Variants in SMOC2 observed in about 807,000 individuals in gnomAD.
The protein encoded by SMOC2 is SPARC related modular calcium binding 2.
In SMOC2, 39 loss-of-function variants were observed where a neutral mutation model predicts 61.4. That is an observed-to-expected ratio of 0.64 (90% CI 0.49 to 0.83). The LOEUF (loss-of-function observed/expected upper bound fraction) is 0.83, where lower values mean the gene tolerates loss of function less well. Ranked by LOEUF, SMOC2 falls within the 40% of genes least tolerant of loss-of-function variation. The pLI, the probability that SMOC2 is intolerant of heterozygous loss-of-function variation, is 0.00. For missense variants in SMOC2, 556 were observed against 592.9 expected, an observed-to-expected ratio of 0.94 and a Z score of 0.65; for synonymous variants, 247 against 239.9, an observed-to-expected ratio of 1.03 and a Z score of -0.27.
intron 1 of SMOC2, among the ~76,000 whole-genome samples, chr6:168,496,414 C>T (rs940846116): frequency 2.6e-5 from 4 of 152,126 alleles, no homozygotes; most frequent in African/African-American, 9.7e-5. Flanking sequence ...AGCAAATGAG[C>T]GACTGTCTTC....
At chr6:168,635,442 T>G (rs1022423607) in intron 9 of SMOC2, among the ~76,000 whole-genome samples, 5 of 152,058 alleles carry the variant, frequency 3.3e-5, no homozygotes, top group Middle Eastern at 3.4e-3. Context: ...CACTGAAGCC[T>G]CCCTGCCAGC....
At position 168,611,419 on chromosome 6, in the gene SMOC2, G is replaced by A. The variant is rs551390570; in HGVS notation, c.907+3180G>A. Among the ~76,000 whole-genome samples the A allele has an allele frequency of 6.2e-5, 8 of 128,588 alleles. No individual in the cohort carries two copies. In the South Asian group the frequency reaches 1.5e-3, roughly 24 times the overall value. 84.4% of individuals were successfully genotyped at this position (128,588 alleles called of 152,430 possible). A position where few individuals can be genotyped will look rare whatever the true frequency, so the allele number is the denominator to read the frequency against. On this transcript the variant is annotated intron_variant, in intron 9 of 12. Transcript: ENST00000356284. ...CTGGTTCTCATGTCCGGGACCCACC[G>A]TGGCTCCCGTGTCGGGCCTGGCCGT...
chr6:168,514,417 A>G (rs1433274730), intron 2 of SMOC2, among the ~76,000 whole-genome samples: 2 of 152,212 alleles, frequency 1.3e-5, no homozygotes, highest in Non-Finnish European at 2.9e-5. Flanking sequence ...CACCCAGGAA[A>G]CCGCAGGGCC....
At chr6:168,622,670 T>C (rs1412210966) in intron 9 of SMOC2, among the ~76,000 whole-genome samples, 1 of 152,104 alleles carries the variant, frequency 6.6e-6, no homozygotes, top group Admixed American at 6.5e-5. Flanking sequence ...CTGCCTGTCT[T>C]GTCTTCCCAC....
chr6:168,448,527 G>A (rs1031965614), intron 1 of SMOC2, among the ~76,000 whole-genome samples: 7 of 150,412 alleles, frequency 4.7e-5, no homozygotes, highest in African/African-American at 1.7e-4. Context: ...ATGGGGAGGA[G>A]GATGAGGATG....
At position 168,603,963 on chromosome 6, in the gene SMOC2, A is replaced by T. The variant is rs114888984; in HGVS notation, c.825-4194A>T. On this transcript the variant is annotated intron_variant, in intron 8 of 12. Transcript: ENST00000356284. The stretch of plus-strand genomic sequence containing the variant: ...TTTTGGTTTCATGTAGTGAGATGAG[A>T]AACTGATGAATGAATATAAATGACC... Among the ~76,000 whole-genome samples the T allele has an allele frequency of 3.8e-3, 582 of 152,304 alleles. 4 individuals are homozygous for T. Among genetic ancestry groups the T allele is most frequent in the African/African-American group, 0.014 (563 of 41,564 alleles).
chr6:168,483,913 T>C (rs940583259), intron 1 of SMOC2, among the ~76,000 whole-genome samples: 1 of 152,196 alleles, frequency 6.6e-6, no homozygotes, highest in African/African-American at 2.4e-5. Flanking sequence ...ATTGGACCTT[T>C]GCCTAACATC....
chr6:168,625,216 C>T (rs984773632), intron 9 of SMOC2, among the ~76,000 whole-genome samples: 21 of 152,240 alleles, frequency 1.4e-4, no homozygotes, highest in Admixed American at 3.3e-4. Flanking sequence ...CGTGAAGACC[C>T]GCATCTGCTC....
intron 9 of SMOC2, among the ~76,000 whole-genome samples, chr6:168,619,948 G>A (rs1786203402): frequency 6.6e-6 from 1 of 152,192 alleles, no homozygotes; most frequent in Non-Finnish European, 1.5e-5. Context: ...TGCTCCGGCA[G>A]GCCGTTGTCC....
chr6:168,563,494 T>C (rs180910926), intron 7 of SMOC2, among the ~76,000 whole-genome samples: 1 of 152,278 alleles, frequency 6.6e-6, no homozygotes. Context: ...ATATTGTGTG[T>C]CTGTTTCTTG....
chr6:168,666,728 ATGTTAACAGTAGAGCTCTATG>A lies in SMOC2; in HGVS notation c.*291_*311del. On this transcript the variant is annotated 3_prime_UTR_variant, in exon 13 of 13. Transcript: ENST00000356284. The stretch of plus-strand genomic sequence containing the variant: ...TAGGCTTAATTTCTTCGCCTTCCAC[ATGTTAACAGTAGAGCTCTATG>A]CACTCCGGCTGCAATCGTATGGCTT... The A allele has an allele frequency of 2.2e-6, 1 of 462,458 alleles. No individual in the cohort carries two copies. Among genetic ancestry groups the A allele is most frequent in the South Asian group, 2.7e-5 (1 of 36,934 alleles). The allele number at this position is 462,458 out of a possible 1,614,324, so 28.6% of individuals were successfully genotyped here.
At chr6:168,599,089 A>AAC in intron 8 of SMOC2, 85 bp downstream of exon 8, 1 of 1,249,060 alleles carries the variant, frequency 8.0e-7, no homozygotes, top group Non-Finnish European at 1.1e-6. Flanking sequence ...CACTTCCCCC[A>AAC]ACACACACCG....
At chr6:168,621,747 G>A (rs1206216774) in intron 9 of SMOC2, among the ~76,000 whole-genome samples, 1 of 152,054 alleles carries the variant, frequency 6.6e-6, no homozygotes, top group Non-Finnish European at 1.5e-5. Context: ...TCGCTATCTG[G>A]AGAACAGCAT....
At chr6:168,545,228 TG>T (rs1783963983) in intron 5 of SMOC2, among the ~76,000 whole-genome samples, 1 of 151,330 alleles carries the variant, frequency 6.6e-6, no homozygotes, top group African/African-American at 2.5e-5. Context: ...TTCTTAATCC[TG>T]TTTATTATGA....
chr6:168,538,201 G>C (rs1349726345), intron 4 of SMOC2, among the ~76,000 whole-genome samples: 1 of 146,718 alleles, frequency 6.8e-6, no homozygotes, highest in African/African-American at 2.5e-5. Context: ...GCTGGAATCT[G>C]GGGAGTGGGG....
chr6:168,569,288 G>C (rs1784614367), intron 7 of SMOC2, among the ~76,000 whole-genome samples: 1 of 152,164 alleles, frequency 6.6e-6, no homozygotes, highest in Non-Finnish European at 1.5e-5. Flanking sequence ...ATAGGGTATT[G>C]AATGACTTTC....
intron 7 of SMOC2, among the ~76,000 whole-genome samples, chr6:168,564,688 G>A (rs1379357273): frequency 2.6e-5 from 4 of 152,152 alleles, no homozygotes; most frequent in Non-Finnish European, 5.9e-5. Flanking sequence ...CTATGCTTTT[G>A]GTGCCATGTC....
chr6:168,599,296 A>G (rs1214786251), intron 8 of SMOC2, among the ~76,000 whole-genome samples: 1 of 80,410 alleles, frequency 1.2e-5, no homozygotes, highest in Non-Finnish European at 2.6e-5. Flanking sequence ...ACACACACAC[A>G]TACCACACAC....
chr6:168,658,933 GTA>G (rs1787397887), intron 11 of SMOC2, among the ~76,000 whole-genome samples: 1 of 150,968 alleles, frequency 6.6e-6, no homozygotes, highest in Non-Finnish European at 1.5e-5. Context: ...TGGAGTGTGT[GTA>G]TGTGTGGTGT....
Sources: gnomAD v4.1 joint callset for allele counts (sites outside exome capture counted in the v4.1 genomes callset) on GRCh38, gnomAD v4.1.1 for gene constraint, MANE v1.5 for transcripts, NCBI Gene and HGNC (gene_info 2026-07-23, HGNC 2026-07-21) for gene names.